DGKB: variants seen among roughly 807,000 people sequenced by gnomAD.
The protein encoded by DGKB is 90 kDa diacylglycerol kinase.
In DGKB, 67 loss-of-function variants were observed where a neutral mutation model predicts 114.3. The ratio of observed to expected loss-of-function variants is 0.59; its 90% confidence interval spans 0.48 to 0.72. The LOEUF (loss-of-function observed/expected upper bound fraction) is 0.72. Among genes scored for constraint, DGKB ranks in the 30% least tolerant of loss-of-function variants. DGKB has a pLI of 0.00. For missense variants in DGKB, 907 were observed against 975.2 expected, an observed-to-expected ratio of 0.93 and a Z score of 0.93; for synonymous variants, 398 against 323.1, an observed-to-expected ratio of 1.23 and a Z score of -2.49.
chr7:14,678,967 G>A lies in DGKB; in HGVS notation c.1035+3586C>T, dbSNP rs140316552. Among the ~76,000 whole-genome samples, 74 of 152,116 alleles carry A rather than the reference G, an allele frequency of 4.9e-4. 1 individual carries two copies. The East Asian group carries it at 8.1e-3, about 17-fold the overall frequency. On this transcript the variant is annotated intron_variant, in intron 12 of 25. Transcript: ENST00000402815. ...CTTTTTTTCCAGTGACTGGAAGCAT[G>A]ACAATACCAGGTCTGATAGAATGAG...
chr7:14,903,212 AGT>A (rs34367492), upstream of DGKB: 6,803 of 137,392 alleles, frequency 0.05, 182 homozygotes, highest in Middle Eastern at 0.09. Flanking sequence ...AAGTCTGTGC[AGT>A]GTGTGTGTGT....
intron 23 of DGKB, among the ~76,000 whole-genome samples, chr7:14,308,727 A>T (rs1804880144): frequency 6.6e-6 from 1 of 152,208 alleles, no homozygotes; most frequent in Non-Finnish European, 1.5e-5. Context: ...GGGACTAGGC[A>T]CTATTAAACC....
chr7:14,369,799 C>T (rs537051879), intron 21 of DGKB, among the ~76,000 whole-genome samples: 201 of 152,190 alleles, frequency 1.3e-3, no homozygotes, highest in Non-Finnish European at 1.9e-3. Context: ...CGTTTAAGTT[C>T]CTTGTAGATT....
At chr7:14,165,034 C>T (rs186201593) in intron 25 of DGKB, among the ~76,000 whole-genome samples, 1 of 152,146 alleles carries the variant, frequency 6.6e-6, no homozygotes, top group Admixed American at 6.5e-5. Flanking sequence ...AAAGACAAGA[C>T]CGTGGATTCC....
intron 23 of DGKB, among the ~76,000 whole-genome samples, chr7:14,216,295 T>A (rs1788948879): frequency 6.6e-6 from 1 of 152,162 alleles, no homozygotes; most frequent in Non-Finnish European, 1.5e-5. Context: ...CAGTAACTAT[T>A]ACTCAACTCT....
chr7:14,588,667 T>C (rs559801965), intron 17 of DGKB, among the ~76,000 whole-genome samples: 4 of 152,108 alleles, frequency 2.6e-5, no homozygotes, highest in African/African-American at 4.8e-5. Context: ...TTTTCATTTA[T>C]TGAATAATTC....
chr7:14,642,825 A>C (rs538789964), intron 13 of DGKB, among the ~76,000 whole-genome samples: 1 of 152,362 alleles, frequency 6.6e-6, no homozygotes, highest in African/African-American at 2.4e-5. Context: ...AATAATTTAA[A>C]TCATTCATGA....
intron 24 of DGKB, among the ~76,000 whole-genome samples, chr7:14,177,776 A>G (rs1308423338): frequency 1.3e-5 from 2 of 152,134 alleles, no homozygotes; most frequent in Admixed American, 6.6e-5. Context: ...TAAAATTTGT[A>G]TGTTTGAATT....
At chr7:14,517,425 A>T (rs1033401383) in intron 20 of DGKB, among the ~76,000 whole-genome samples, 2 of 152,022 alleles carry the variant, frequency 1.3e-5, no homozygotes, top group Non-Finnish European at 2.9e-5. Context: ...AGACACCACA[A>T]GCAATTGCAA....
At chr7:14,683,929 ACT>A (rs1821253720) in intron 10 of DGKB, among the ~76,000 whole-genome samples, 1 of 151,764 alleles carries the variant, frequency 6.6e-6, no homozygotes, top group African/African-American at 2.4e-5. Flanking sequence ...ATATAATATC[ACT>A]CATCTTATTT....
At chr7:14,607,261 C>T (rs1804691484) in intron 17 of DGKB, among the ~76,000 whole-genome samples, 173 bp downstream of exon 17, 1 of 151,672 alleles carries the variant, frequency 6.6e-6, no homozygotes, top group Admixed American at 6.6e-5. Context: ...TAGAAATGGA[C>T]TATTTTGGAA....
intron 25 of DGKB, chr7:14,176,333 A>T (rs1349381319): frequency 1.0e-6 from 1 of 984,476 alleles, no homozygotes; most frequent in African/African-American, 1.7e-5. Flanking sequence ...GCCTTAAATA[A>T]TACCTCATTC....
At chr7:14,642,233 AG>A (rs1272687026) in intron 13 of DGKB, among the ~76,000 whole-genome samples, 3 of 152,146 alleles carry the variant, frequency 2.0e-5, no homozygotes, top group African/African-American at 7.2e-5. Context: ...TGCATTATAA[AG>A]TAAATGTTTT....
intron 21 of DGKB, among the ~76,000 whole-genome samples, chr7:14,448,246 A>C (rs1830996609): frequency 6.6e-6 from 1 of 152,114 alleles, no homozygotes; most frequent in South Asian, 2.1e-4. Flanking sequence ...AAAGATACTT[A>C]GGAAAATGGG....
intron 23 of DGKB, among the ~76,000 whole-genome samples, chr7:14,280,336 G>C (rs1439493737): frequency 6.6e-6 from 1 of 152,004 alleles, no homozygotes; most frequent in Non-Finnish European, 1.5e-5. Flanking sequence ...AACGAGCAAA[G>C]CCTCCAAGAA....
chr7:14,491,470 G>T (rs1456359593), intron 20 of DGKB, among the ~76,000 whole-genome samples: 1 of 152,024 alleles, frequency 6.6e-6, no homozygotes, highest in South Asian at 2.1e-4. Flanking sequence ...CATGGAAATG[G>T]ACTAATACCC....
At chr7:14,763,387 T>C (rs1472305022) in intron 2 of DGKB, among the ~76,000 whole-genome samples, 5 of 152,110 alleles carry the variant, frequency 3.3e-5, no homozygotes, top group African/African-American at 1.2e-4. Context: ...ATGAGCATTT[T>C]AGAGTTTGCA....
intron 2 of DGKB, among the ~76,000 whole-genome samples, chr7:14,811,669 A>G (rs1367627872): frequency 6.6e-6 from 1 of 152,134 alleles, no homozygotes; most frequent in Non-Finnish European, 1.5e-5. Flanking sequence ...AATTAATTAA[A>G]ACAATATTCT....
At chr7:14,243,850 C>G (rs1171432141) in intron 23 of DGKB, among the ~76,000 whole-genome samples, 1 of 152,064 alleles carries the variant, frequency 6.6e-6, no homozygotes, top group Admixed American at 6.6e-5. Flanking sequence ...ATTGTCGTAA[C>G]TTGAAACTAA....
Sources: allele counts gnomAD v4.1 joint callset (sites outside exome capture counted in the v4.1 genomes callset), GRCh38; gene constraint gnomAD v4.1.1; transcripts MANE v1.5; gene names NCBI Gene and HGNC (gene_info 2026-07-23, HGNC 2026-07-21).